The following CYSLTR2 variants were observed in gnomAD, a reference collection of about 807,000 sequenced individuals.
CYSLTR2 encodes cysteinyl leukotriene receptor 2.
For synonymous variants in CYSLTR2, 179 were observed against 160.8 expected, an observed-to-expected ratio of 1.11 and a Z score of -0.86; for missense variants, 398 against 411.9, an observed-to-expected ratio of 0.97 and a Z score of 0.29.
In CYSLTR2 at chr13:48,707,207, C is replaced by T. The variant is rs953621282; in HGVS notation, c.390C>T (p.Thr130=). 9 of 1,613,948 alleles carry T rather than the reference C, an allele frequency of 5.6e-6. No individual in the cohort carries two copies. Among genetic ancestry groups the T allele is most frequent in the Middle Eastern group, 1.6e-4 (1 of 6,084 alleles). Residue 130 remains threonine, a synonymous_variant, in exon 5 of 5, where the codon ACC becomes ACT. Transcript: ENST00000682523. ...VNMYSSIYFL[T]VLSVVRFLAM... is the part of the protein sequence containing the mutation. ...TGTACAGCAGTATTTATTTCCTGACCGTGCTGAGTGTTGTGCGTTTCCTGG... is the reference window on the plus strand; with the variant it reads ...TGTACAGCAGTATTTATTTCCTGACTGTGCTGAGTGTTGTGCGTTTCCTGG...
At chr13:48,699,433 A>G (rs1954282998) in intron 4 of CYSLTR2, among the ~76,000 whole-genome samples, 1 of 152,220 alleles carries the variant, frequency 6.6e-6, no homozygotes, top group Non-Finnish European at 1.5e-5. Flanking sequence ...GGTACATAAC[A>G]AAATGAAGGC....
At chr13:48,688,168 A>T (rs1231378791) in intron 1 of CYSLTR2, among the ~76,000 whole-genome samples, 2 of 152,122 alleles carry the variant, frequency 1.3e-5, no homozygotes, top group African/African-American at 4.8e-5. Context: ...CAGTAGCCTC[A>T]ACTTCCTGGG....
intron 1 of CYSLTR2, among the ~76,000 whole-genome samples, chr13:48,685,180 T>C (rs1036596831): frequency 6.6e-6 from 1 of 152,088 alleles, no homozygotes; most frequent in Non-Finnish European, 1.5e-5. Context: ...TTACTCATGG[T>C]GGAAGGTGAA....
chr13:48,672,945 G>A (rs1171335059), intron 1 of CYSLTR2, among the ~76,000 whole-genome samples: 2 of 151,966 alleles, frequency 1.3e-5, no homozygotes, highest in Non-Finnish European at 2.9e-5. Context: ...CTGAGTTCTA[G>A]TAGATTGCAA....
intron 1 of CYSLTR2, among the ~76,000 whole-genome samples, chr13:48,681,158 GCCTAAAACCAACCCCAA>G (rs879436906): frequency 3.8e-4 from 58 of 152,064 alleles, no homozygotes; most frequent in South Asian, 8.3e-4. Flanking sequence ...CCCCTGTGGG[GCCTAAAACCAACCCCAA>G]CCTAAAACCA....
At chr13:48,695,191 C>CA (rs1201095736) in intron 3 of CYSLTR2, among the ~76,000 whole-genome samples, 1 of 149,800 alleles carries the variant, frequency 6.7e-6, no homozygotes, top group African/African-American at 2.5e-5. Context: ...CCTCTCATCT[C>CA]AGCCTCCTGA....
chr13:48,667,393 G>C (rs1953293297), intron 1 of CYSLTR2, among the ~76,000 whole-genome samples: 1 of 152,228 alleles, frequency 6.6e-6, no homozygotes, highest in Non-Finnish European at 1.5e-5. Flanking sequence ...GGGGTGGAGG[G>C]CATGCCTGCC....
chr13:48,681,608 C>T (rs1011957034), intron 1 of CYSLTR2, among the ~76,000 whole-genome samples: 1 of 152,116 alleles, frequency 6.6e-6, no homozygotes. Context: ...CCACCTATTA[C>T]TATTGTTTTT....
intron 4 of CYSLTR2, among the ~76,000 whole-genome samples, chr13:48,696,964 G>A (rs1227414360): frequency 3.3e-5 from 5 of 152,168 alleles, no homozygotes; most frequent in African/African-American, 9.7e-5. Context: ...GCTTGGGGAG[G>A]GGCATCCACC....
At position 48,708,977 on chromosome 13, in the gene CYSLTR2, G is replaced by A. The variant is rs535281543; in HGVS notation, c.*1119G>A. On this transcript the variant is annotated 3_prime_UTR_variant, in exon 5 of 5. Coordinates refer to ENST00000682523, the MANE Select transcript of CYSLTR2 (RefSeq NM_001308476.3). ...CAATTGAATGCAGTCTCCCTGCAGG[G>A]CAGATTATGCCAGGCACTTTACATT... 1 of 167,224 alleles carries A rather than the reference G, an allele frequency of 6.0e-6. No homozygotes were observed. The highest frequency in any genetic ancestry group is 2.1e-4 in the South Asian group (1 of 4,826). 10.4% of individuals were successfully genotyped at this position (167,224 alleles called of 1,614,324 possible).
chr13:48,708,780 T>C lies in CYSLTR2; in HGVS notation c.*922T>C, dbSNP rs1954569640. The C allele has an allele frequency of 6.0e-6, 1 of 167,056 alleles. No homozygotes were observed. The highest frequency in any genetic ancestry group is 2.1e-4 in the South Asian group (1 of 4,828). The allele number at this position is 167,056 out of a possible 1,614,324, so 10.3% of individuals were successfully genotyped here. A position where few individuals can be genotyped will look rare whatever the true frequency, so the allele number is the denominator to read the frequency against. On this transcript the variant is annotated 3_prime_UTR_variant, in exon 5 of 5. Transcript: ENST00000682523. Reference sequence around the variant, plus strand: ...GTAGAGGGCAAATAGCAAAAGTTGTTGCACTCCTGAAATTCTATTAACATT... The same window carrying C: ...GTAGAGGGCAAATAGCAAAAGTTGTCGCACTCCTGAAATTCTATTAACATT...
At chr13:48,663,113 T>C (rs1953171491) in intron 1 of CYSLTR2, among the ~76,000 whole-genome samples, 1 of 152,144 alleles carries the variant, frequency 6.6e-6, no homozygotes, top group African/African-American at 2.4e-5. Context: ...TTTTCCCCAA[T>C]GAGTATTCTT....
At chr13:48,663,752 A>G (rs1350735901) in intron 1 of CYSLTR2, among the ~76,000 whole-genome samples, 6 of 151,948 alleles carry the variant, frequency 3.9e-5, no homozygotes, top group Non-Finnish European at 8.8e-5. Flanking sequence ...GTCTTTCTAT[A>G]TATGAGATTA....
chr13:48,668,654 A>G (rs1219288730), intron 1 of CYSLTR2, among the ~76,000 whole-genome samples: 1 of 152,006 alleles, frequency 6.6e-6, no homozygotes, highest in Admixed American at 6.6e-5. Context: ...CATGTGCAGA[A>G]TGTACAGGTT....
chr13:48,706,711 T>C, intron 4 of CYSLTR2, 106 bp from the exon 5 acceptor site: 1 of 844,780 alleles, frequency 1.2e-6, no homozygotes, highest in Non-Finnish European at 1.9e-6. Context: ...GAAAAGATAG[T>C]ATTGCTCCCT....
chr13:48,654,209 T>C (rs1271099913), intron 1 of CYSLTR2, among the ~76,000 whole-genome samples, 192 bp downstream of exon 1: 2 of 151,632 alleles, frequency 1.3e-5, no homozygotes, highest in African/African-American at 4.9e-5. Context: ...AGCCAAATTC[T>C]CCACCAAAAT....
intron 3 of CYSLTR2, among the ~76,000 whole-genome samples, chr13:48,695,197 C>T (rs921324888): frequency 1.3e-5 from 2 of 150,698 alleles, no homozygotes; most frequent in Non-Finnish European, 3.0e-5. Context: ...ATCTCAGCCT[C>T]CTGAGGAGCT....
intron 2 of CYSLTR2, 61 bp from the exon 3 acceptor site, chr13:48,693,377 A>G (rs1157334318): frequency 2.0e-5 from 3 of 152,112 alleles, no homozygotes; most frequent in Non-Finnish European, 2.9e-5. Flanking sequence ...CTATGTAAAT[A>G]TACTGTTTGT....
chr13:48,687,728 G>A (rs1953932386), intron 1 of CYSLTR2, among the ~76,000 whole-genome samples: 1 of 152,032 alleles, frequency 6.6e-6, no homozygotes, highest in African/African-American at 2.4e-5. Flanking sequence ...ATTCTTTTTA[G>A]GGAAACATGA....
Sources: allele counts gnomAD v4.1 joint callset (sites outside exome capture counted in the v4.1 genomes callset), GRCh38; gene constraint gnomAD v4.1.1; transcripts MANE v1.5; gene names NCBI Gene and HGNC (gene_info 2026-07-23, HGNC 2026-07-21).